Variants in PSG3 observed in about 807,000 individuals in gnomAD.
The protein encoded by PSG3 is pregnancy specific beta-1-glycoprotein 3.
Under a neutral mutation model 47.5 loss-of-function variants are expected in PSG3, and 61 were observed. The ratio of observed to expected loss-of-function variants is 1.28; its 90% CI spans 1.05 to 1.59. PSG3 has a LOEUF of 1.59. Among genes scored for constraint, PSG3 ranks in the 40% most tolerant of loss-of-function variants. PSG3 has a pLI of 0.00. For synonymous variants in PSG3, 263 were observed against 198.4 expected (o/e 1.33, Z -2.74); for missense variants, 756 against 524.0 (o/e 1.44, Z -4.32).
Position 42,732,908 on chromosome 19 carries a change from C to G in PSG3, c.585G>C (p.Leu195Phe), listed in dbSNP as rs750217039. 99 of 1,614,102 alleles carry G rather than the reference C, an allele frequency of 6.1e-5. No homozygotes were observed. The highest frequency in any genetic ancestry group is 7.6e-5 in the Non-Finnish European group (90 of 1,180,000). ...GAAAGAGGGTCCTTTTGTTTTTGGA[C>G]AACTGCAAGCTGTGAGTCATAGGGA... ...QSLPMTHSLQ[L>F]SKNKRTLFLF... The change falls in exon 3 of 7, where the codon TTG becomes TTC. Residue 195 changes from leucine to phenylalanine, a missense_variant. Physicochemically the swap from Leu to Phe is conservative, Grantham distance 22 (BLOSUM62 0). Coordinates refer to ENST00000327495, the MANE Select transcript of PSG3 (RefSeq NM_021016.4).
intron 2 of PSG3, among the ~76,000 whole-genome samples, chr19:42,738,063 G>A (rs1254878389): frequency 6.6e-6 from 1 of 152,182 alleles, no homozygotes; most frequent in Non-Finnish European, 1.5e-5. Flanking sequence ...ACTTTCTATG[G>A]ACTGGCCTAA....
rs752687929 is a variant in PSG3, at chr19:42,729,770, A to G, written c.988+8T>C. 2 of 1,612,722 alleles carry G rather than the reference A, an allele frequency of 1.2e-6. No homozygotes were observed. The highest frequency in any genetic ancestry group is 1.7e-5 in the Admixed American group (1 of 59,940). ...GTCCTGGCCCACAGAGGAACAAAAG[A>G]TACTCACAGAGGACATTCAGGGTGA... is the stretch of plus-strand genomic sequence containing the variant. On this transcript the variant is annotated splice_region_variant and intron_variant, in intron 4 of 6. Coordinates refer to ENST00000327495, the MANE Select transcript of PSG3 (RefSeq NM_021016.4).
At chr19:42,724,731 G>GTA (rs1475290551) in intron 5 of PSG3, among the ~76,000 whole-genome samples, 1 of 151,944 alleles carries the variant, frequency 6.6e-6, no homozygotes, top group Non-Finnish European at 1.5e-5. Context: ...AAGTTATCTT[G>GTA]TATGTCTAAT....
chr19:42,729,039 T>A, intron 5 of PSG3, 84 bp downstream of exon 5: 1 of 1,608,494 alleles, frequency 6.2e-7, no homozygotes, highest in Non-Finnish European at 8.5e-7. Flanking sequence ...AGGCTGGGAA[T>A]AAAAATGTTT....
chr19:42,737,160 C>T (rs748972671), intron 2 of PSG3, among the ~76,000 whole-genome samples: 7 of 152,040 alleles, frequency 4.6e-5, no homozygotes, highest in Non-Finnish European at 7.3e-5. Context: ...GAGAACCCTC[C>T]GGTGGCCAAA....
chr19:42,730,181 G>A lies in PSG3; in HGVS notation c.710-125C>T, dbSNP rs569552046. 3,036 of 1,501,412 alleles carry A rather than the reference G, an allele frequency of 2.0e-3. 10 individuals carry two copies. Among genetic ancestry groups the A allele is most frequent in the Non-Finnish European group, 2.6e-3 (2,846 of 1,115,712 alleles). The allele number at this position is 1,501,412 out of a possible 1,614,324, so 93.0% of individuals were successfully genotyped here. On this transcript the variant is annotated intron_variant, in intron 3 of 6. Coordinates refer to ENST00000327495, the MANE Select transcript of PSG3 (RefSeq NM_021016.4). Reference sequence around the variant, plus strand: ...CCGAGTCCTTGAAAGCCAATAGCTGGTGCGTGTGTCACAAGACAGATGCAT... The same window carrying A: ...CCGAGTCCTTGAAAGCCAATAGCTGATGCGTGTGTCACAAGACAGATGCAT...
At chr19:42,739,704 C>T (rs185369168) in intron 1 of PSG3, among the ~76,000 whole-genome samples, 8 of 152,228 alleles carry the variant, frequency 5.3e-5, no homozygotes, top group Non-Finnish European at 4.4e-5. Context: ...GGTTTTTTTG[C>T]TGAGGACAGT....
At position 42,723,086 on chromosome 19, in the gene PSG3, A is replaced by T. The variant is rs188752201; in HGVS notation, c.*40+856T>A. Among the ~76,000 whole-genome samples the T allele has an allele frequency of 1.5e-4, 23 of 152,292 alleles. No individual in the cohort carries two copies. The East Asian group carries it at 4.0e-3, about 27-fold the overall frequency. ...ATTTTCAGGTCTCATTTCCTGTCTT[A>T]GGCTTTATGTCTCCTGGCGTAGGGA... On this transcript the variant is annotated intron_variant, in intron 6 of 6. Transcript: ENST00000327495.
chr19:42,724,031 A>G lies in PSG3; in HGVS notation c.1244-6T>C, dbSNP rs964554327. 5.0e-6 allele frequency: 8 copies of G among 1,609,810 alleles called. No individual in the cohort carries two copies. Among genetic ancestry groups the G allele is most frequent in the Non-Finnish European group, 6.8e-6 (8 of 1,176,210 alleles). On this transcript the variant is annotated splice_region_variant and splice_polypyrimidine_tract_variant and intron_variant, in intron 5 of 6. Coordinates refer to ENST00000327495, the MANE Select transcript of PSG3 (RefSeq NM_021016.4). ...ATGTCCTGTTCCTGAAGGAGCTGTC[A>G]TGGAAAAAAAAGAAAAGAAGGAATG...
rs1254698480 is a variant in PSG3, at chr19:42,736,470, C to G, written c.430+2254G>C. On this transcript the variant is annotated intron_variant, in intron 2 of 6. Transcript: ENST00000327495. Reference sequence around the variant, plus strand: ...GCAGTACTCATTTTTTAGTCCTGTGCCCCTGAAACTATCCTTGAAAATCTC... The same window carrying G: ...GCAGTACTCATTTTTTAGTCCTGTGGCCCTGAAACTATCCTTGAAAATCTC... Among the ~76,000 whole-genome samples the G allele has an allele frequency of 7.9e-5, 12 of 152,156 alleles. No homozygotes were observed. The East Asian group carries it at 1.7e-3, about 22-fold the overall frequency.
At chr19:42,735,028 A>T (rs1342464790) in intron 2 of PSG3, among the ~76,000 whole-genome samples, 2 of 152,222 alleles carry the variant, frequency 1.3e-5, no homozygotes, top group Non-Finnish European at 2.9e-5. Flanking sequence ...AAACGGCATC[A>T]TCATGAGGAA....
Position 42,732,950 on chromosome 19 carries a change from C to A in PSG3, c.543G>T (p.Trp181Cys), listed in dbSNP as rs762742315. The change falls in exon 3 of 7, where the codon TGG (tryptophan) becomes TGT (cysteine). Residue 181 changes from tryptophan (W) to cysteine (C), a missense_variant. Physicochemically the swap from Trp to Cys is radical, Grantham distance 215. Transcript: ENST00000327495. ...TCATAGGGAGGCTCTGACCATTCAT[C>A]CACCACAGGTAGCTTGCGTCCGGAG... ...PETPDASYLW[W>C]MNGQSLPMTH... The A allele has an allele frequency of 6.2e-7, 1 of 1,614,114 alleles. No individual in the cohort carries two copies. The highest frequency in any genetic ancestry group is 8.5e-7 in the Non-Finnish European group (1 of 1,180,004).
Position 42,738,979 on chromosome 19 carries a change from G to T in PSG3, c.175C>A (p.Pro59Thr). The change falls in exon 2 of 7, where the codon CCC becomes ACC. Residue 59 changes from proline to threonine, a missense_variant. Pro to Thr is a conservative substitution (Grantham distance 38). Transcript: ENST00000327495. ...KDVLLLVHNL[P>T]QNLAGYIWYK... ...CAGATGTAGCCAGCAAGATTCTGGG[G>T]CAAATTGTGGACAAGTAGAAGAACG... The T allele has an allele frequency of 1.9e-6, 3 of 1,614,016 alleles. No individual in the cohort carries two copies. The highest frequency in any genetic ancestry group is 1.7e-4 in the Middle Eastern group (1 of 6,060).
At chr19:42,728,852 C>T (rs1282314074) in intron 5 of PSG3, among the ~76,000 whole-genome samples, 1 of 152,194 alleles carries the variant, frequency 6.6e-6, no homozygotes, top group South Asian at 2.1e-4. Context: ...TTGTCCCTCT[C>T]TGAATCCTCT....
chr19:42,738,978 G>A lies in PSG3; in HGVS notation c.176C>T (p.Pro59Leu), dbSNP rs1166787788. Residue 59 changes from proline (P) to leucine (L), a missense_variant, in exon 2 of 7, where the codon CCC (proline) becomes CTC (leucine). Transcript: ENST00000327495. The stretch of plus-strand genomic sequence containing the variant: ...CCAGATGTAGCCAGCAAGATTCTGG[G>A]GCAAATTGTGGACAAGTAGAAGAAC... The part of the protein sequence containing the change: ...KDVLLLVHNL[P>L]QNLAGYIWYK... The A allele has an allele frequency of 6.2e-7, 1 of 1,613,980 alleles. No homozygotes were observed. The highest frequency in any genetic ancestry group is 1.7e-5 in the Admixed American group (1 of 60,010).
At chr19:42,725,859 A>G (rs1969367846) in intron 5 of PSG3, among the ~76,000 whole-genome samples, 1 of 141,788 alleles carries the variant, frequency 7.1e-6, no homozygotes, top group Admixed American at 7.4e-5. Context: ...ACAGAGTGAG[A>G]GCCTGTCTCT....
intron 3 of PSG3, among the ~76,000 whole-genome samples, chr19:42,731,029 G>T (rs890573960): frequency 7.2e-5 from 11 of 152,136 alleles, no homozygotes; most frequent in South Asian, 2.1e-4. Flanking sequence ...CCATGGGTTC[G>T]ACTACTCTAG....
At chr19:42,725,890 CAAAAAAAAAAAA>C (rs200684147) in intron 5 of PSG3, among the ~76,000 whole-genome samples, 1 of 68,054 alleles carries the variant, frequency 1.5e-5, no homozygotes, top group African/African-American at 6.2e-5. Flanking sequence ...CAACAACAAC[CAAAAAAAAAAAA>C]AAAAAAAGAA....
intron 2 of PSG3, chr19:42,733,963 C>A (rs1026563874): frequency 4.6e-5 from 7 of 152,112 alleles, no homozygotes; most frequent in African/African-American, 1.4e-4. Flanking sequence ...GGATATTAGA[C>A]CAATATTTGG....
Sources: allele counts gnomAD v4.1 joint callset (sites outside exome capture counted in the v4.1 genomes callset), GRCh38; gene constraint gnomAD v4.1.1; transcripts MANE v1.5; gene names NCBI Gene and HGNC (gene_info 2026-07-23, HGNC 2026-07-21).